The following CASR variants were observed in gnomAD, a reference collection of about 807,000 sequenced individuals.
CASR encodes calcium sensing receptor.
A neutral mutation model predicts 69.1 loss-of-function variants in CASR; 23 were observed. The observed-to-expected ratio is 0.33, with a 90% confidence interval of 0.24 to 0.47. The LOEUF (loss-of-function observed/expected upper bound fraction) is 0.47, where lower values mean the gene tolerates loss of function less well. Ranked by LOEUF, CASR falls within the 20% of genes least tolerant of loss-of-function variation. The probability of loss-of-function intolerance (pLI) is 1.00; values close to 1 mark genes in which losing one functional copy is unlikely to be tolerated. For missense variants in CASR, 924 were observed against 1,356.1 expected, an observed-to-expected ratio of 0.68 and a Z score of 5.00; for synonymous variants, 541 against 544.7, an observed-to-expected ratio of 0.99 and a Z score of 0.10.
Position 122,284,030 on chromosome 3 carries a change from C to T in CASR, c.2076C>T (p.Ile692=), listed in dbSNP as rs1553768999. The T allele has an allele frequency of 1.2e-6, 2 of 1,614,194 alleles. No homozygotes were observed. The highest frequency in any genetic ancestry group is 1.7e-6 in the Non-Finnish European group (2 of 1,180,028). Residue 692 remains isoleucine (I), a synonymous_variant, in exon 7 of 7, where the codon ATC becomes ATT. Coordinates refer to ENST00000639785, the MANE Select transcript of CASR (RefSeq NM_000388.4). ...TTGGCATCAGCTTCGTGCTCTGCAT[C>T]TCATGCATCCTGGTGAAAACCAACC... ...PAFGISFVLC[I]SCILVKTNRV... is the part of the protein sequence containing the mutation.
intron 3 of CASR, among the ~76,000 whole-genome samples, chr3:122,257,927 G>T (rs1274004389): frequency 1.3e-5 from 2 of 152,202 alleles, no homozygotes; most frequent in Non-Finnish European, 2.9e-5. Context: ...TATTTATTGA[G>T]CATATATGTA....
intron 1 of CASR, among the ~76,000 whole-genome samples, chr3:122,227,027 G>GTGCT (rs1281602031): frequency 7.2e-5 from 11 of 152,346 alleles, no homozygotes; most frequent in Non-Finnish European, 1.0e-4. Flanking sequence ...TAGACACAGG[G>GTGCT]TGCTGATTGG....
chr3:122,232,200 C>G (rs1003595811), intron 1 of CASR, among the ~76,000 whole-genome samples: 11 of 152,086 alleles, frequency 7.2e-5, no homozygotes, highest in African/African-American at 2.7e-4. Flanking sequence ...CTCCACAGGG[C>G]TTGAAGTGAA....
chr3:122,234,912 T>G (rs988196326), intron 1 of CASR, among the ~76,000 whole-genome samples: 2 of 152,258 alleles, frequency 1.3e-5, no homozygotes, highest in African/African-American at 4.8e-5. Flanking sequence ...TGGTTCCTGA[T>G]TCTTCTGGGC....
At chr3:122,202,121 T>C (rs2073961055) in intron 1 of CASR, among the ~76,000 whole-genome samples, 1 of 152,112 alleles carries the variant, frequency 6.6e-6, no homozygotes. Flanking sequence ...CACTCCAGCC[T>C]GGGCACCATT....
chr3:122,257,364 C>G lies in CASR; in HGVS notation c.469C>G (p.Leu157Val). 6.2e-7 allele frequency: 1 copy of G among 1,613,928 alleles called. No homozygotes were observed. The highest frequency in any genetic ancestry group is 8.5e-7 in the Non-Finnish European group (1 of 1,179,884). Residue 157 changes from leucine (L) to valine (V), a missense_variant, in exon 3 of 7, where the codon CTG (leucine) becomes GTG (valine). Leu to Val is a conservative substitution (Grantham distance 32). Around this residue, in one of 8 missense-constraint regions of CASR, gnomAD observed 141 missense variants for 283.0 expected, o/e 0.50. Transcript: ENST00000639785. Reference protein sequence around the residue: ...SGVSTAVANLLGLFYIPQVSY... With the variant: ...SGVSTAVANLVGLFYIPQVSY... ...CGTCTCCACGGCAGTGGCAAATCTG[C>G]TGGGGCTCTTCTACATTCCCCAGGT...
chr3:122,220,262 C>T (rs2074157533), intron 1 of CASR, among the ~76,000 whole-genome samples: 2 of 152,232 alleles, frequency 1.3e-5, no homozygotes, highest in Admixed American at 6.5e-5. Context: ...TTGTGTCTGA[C>T]CACTTCATCC....
Position 122,204,217 on chromosome 3 carries a change from G to T in CASR, c.-243+20405G>T, listed in dbSNP as rs183922640. Among the ~76,000 whole-genome samples the T allele has an allele frequency of 3.6e-3, 552 of 152,088 alleles. 2 individuals carry two copies. The highest frequency in any genetic ancestry group is 0.011 in the South Asian group (51 of 4,820). On this transcript the variant is annotated intron_variant, in intron 1 of 6. Coordinates refer to ENST00000639785, the MANE Select transcript of CASR (RefSeq NM_000388.4). ...ATTTATTTTATCAAACCTTGTATTT[G>T]TACCCATTAATCAAGTTCTCTTCAT...
At chr3:122,265,354 G>A (rs1011869744) in intron 4 of CASR, among the ~76,000 whole-genome samples, 11 of 152,048 alleles carry the variant, frequency 7.2e-5, no homozygotes, top group African/African-American at 2.4e-4. Context: ...AGCACTAGCA[G>A]GTGATTTATG....
chr3:122,200,735 A>G (rs2073940215), intron 1 of CASR, among the ~76,000 whole-genome samples: 1 of 152,204 alleles, frequency 6.6e-6, no homozygotes, highest in Non-Finnish European at 1.5e-5. Flanking sequence ...AAAAGTCTCT[A>G]GGGAATTATA....
chr3:122,208,050 A>G (rs369471480), intron 1 of CASR, among the ~76,000 whole-genome samples: 3 of 152,330 alleles, frequency 2.0e-5, no homozygotes, highest in East Asian at 1.9e-4. Flanking sequence ...GGGAGTTCAT[A>G]GCAATAAATG....
chr3:122,231,499 C>T (rs888391149), intron 1 of CASR, among the ~76,000 whole-genome samples: 3 of 152,178 alleles, frequency 2.0e-5, no homozygotes, highest in Admixed American at 6.5e-5. Flanking sequence ...TTACAGCAAC[C>T]GTACTATTGT....
intron 3 of CASR, among the ~76,000 whole-genome samples, chr3:122,257,929 A>G (rs1268972532): frequency 5.3e-5 from 8 of 152,250 alleles, no homozygotes; most frequent in Admixed American, 5.2e-4. Flanking sequence ...TTTATTGAGC[A>G]TATATGTATA....
At chr3:122,265,787 C>T in intron 4 of CASR, among the ~76,000 whole-genome samples, 1 of 152,142 alleles carries the variant, frequency 6.6e-6, no homozygotes, top group South Asian at 2.1e-4. Flanking sequence ...GGTGTGCTTC[C>T]TACTCTCCTG....
At chr3:122,254,517 G>GC (rs2074533847) in intron 2 of CASR, 143 bp downstream of exon 2, 3 of 831,526 alleles carry the variant, frequency 3.6e-6, no homozygotes, top group Non-Finnish European at 5.9e-6. Flanking sequence ...GAAGCTTATT[G>GC]CCCCCACAAC....
Position 122,283,949 on chromosome 3 carries a change from C to T in CASR, c.1995C>T (p.Ser665=). The part of the protein sequence containing the change: ...LFSLLCCFSS[S]LFFIGEPQDW... Reference sequence around the variant, plus strand: ...CCCTGCTCTGCTGCTTCTCCAGCTCCCTGTTCTTCATCGGGGAGCCCCAGG... The same window carrying T: ...CCCTGCTCTGCTGCTTCTCCAGCTCTCTGTTCTTCATCGGGGAGCCCCAGG... The change falls in exon 7 of 7, where the codon TCC becomes TCT. Residue 665 remains serine, a synonymous_variant. Coordinates refer to ENST00000639785, the MANE Select transcript of CASR (RefSeq NM_000388.4). 6.2e-7 allele frequency: 1 copy of T among 1,613,658 alleles called. No individual in the cohort carries two copies. The highest frequency in any genetic ancestry group is 8.5e-7 in the Non-Finnish European group (1 of 1,179,916).
chr3:122,184,420 G>C (rs1052551842), intron 1 of CASR: 2 of 152,488 alleles, frequency 1.3e-5, no homozygotes, highest in Non-Finnish European at 2.9e-5. Flanking sequence ...TTGGCATAGG[G>C]AGCGGGGCTG....
chr3:122,257,557 G>C lies in CASR; in HGVS notation c.492+170G>C, dbSNP rs990517507. The stretch of plus-strand genomic sequence containing the variant: ...ACCATTTGGGATTTCTGAAACTCCA[G>C]TGTCCACAATATCAATGATACCTTC... On this transcript the variant is annotated intron_variant, in intron 3 of 6. Coordinates refer to ENST00000639785, the MANE Select transcript of CASR (RefSeq NM_000388.4). The C allele has an allele frequency of 6.8e-6, 4 of 590,138 alleles. No homozygotes were observed. The African/African-American group carries it at 7.4e-5, about 11-fold the overall frequency. 36.6% of individuals were successfully genotyped at this position (590,138 alleles called of 1,614,324 possible). A position where few individuals can be genotyped will look rare whatever the true frequency, so the allele number is the denominator to read the frequency against.
At chr3:122,220,616 T>A (rs1457542615) in intron 1 of CASR, among the ~76,000 whole-genome samples, 4 of 152,210 alleles carry the variant, frequency 2.6e-5, no homozygotes, top group Non-Finnish European at 5.9e-5. Flanking sequence ...ATTTTTGTCT[T>A]CTAAACTCTC....
Sources: allele counts gnomAD v4.1 joint callset (sites outside exome capture counted in the v4.1 genomes callset), GRCh38; gene constraint gnomAD v4.1.1; regional missense constraint gnomAD v4.1.1; transcripts MANE v1.5; gene names NCBI Gene and HGNC (gene_info 2026-07-23, HGNC 2026-07-21).